COLEC12: variants seen among roughly 807,000 people sequenced by gnomAD.
The protein encoded by COLEC12 is collectin subfamily member 12, also known as collectin-12.
In COLEC12, 33 loss-of-function variants were observed where a neutral mutation model predicts 71.1. The ratio of observed to expected loss-of-function variants is 0.46; its 90% CI spans 0.35 to 0.62. The LOEUF is 0.62. Among genes scored for constraint, COLEC12 ranks in the 20% least tolerant of loss-of-function variants. COLEC12 has a pLI of 0.00. For synonymous variants in COLEC12, 350 were observed against 353.0 expected, an observed-to-expected ratio of 0.99 and a Z score of 0.10; for missense variants, 765 against 916.1, an observed-to-expected ratio of 0.84 and a Z score of 2.13.
intron 2 of COLEC12, among the ~76,000 whole-genome samples, chr18:446,773 G>T (rs8084339): frequency 0.14 from 21,021 of 151,946 alleles, 1,664 homozygotes; most frequent in Middle Eastern, 0.2. Flanking sequence ...ATTTATAACT[G>T]AGCACCCCTA....
At chr18:338,075 A>G (rs1914158767) in intron 5 of COLEC12, among the ~76,000 whole-genome samples, 1 of 152,146 alleles carries the variant, frequency 6.6e-6, no homozygotes, top group Admixed American at 6.6e-5. Context: ...TCTGGCATGA[A>G]GGCTCCTCCC....
chr18:482,860 G>A (rs888963381), intron 1 of COLEC12, among the ~76,000 whole-genome samples: 4 of 150,772 alleles, frequency 2.7e-5, no homozygotes, highest in South Asian at 2.1e-4. Flanking sequence ...TGATCCGCCC[G>A]CCTCGGCCTC....
rs575732029 is a variant in COLEC12, at chr18:318,902, T to G, written c.*1143A>C. On this transcript the variant is annotated 3_prime_UTR_variant, in exon 10 of 10. Transcript: ENST00000400256. ...TGGAATATGACTTAAGAAAACAAAC[T>G]TTCCAGGTAACACGTAGCCGGTTCC... 1 of 152,326 alleles carries G rather than the reference T, an allele frequency of 6.6e-6. No homozygotes were observed. Among genetic ancestry groups the G allele is most frequent in the Admixed American group, 6.5e-5 (1 of 15,306 alleles). The allele number at this position is 152,326 out of a possible 1,614,324, so 9.4% of individuals were successfully genotyped here.
intron 8 of COLEC12, among the ~76,000 whole-genome samples, chr18:330,775 G>A (rs914021915): frequency 2.0e-5 from 3 of 151,962 alleles, no homozygotes; most frequent in Non-Finnish European, 4.4e-5. Flanking sequence ...GGAACTTATG[G>A]GGAATCTTCA....
intron 2 of COLEC12, among the ~76,000 whole-genome samples, chr18:386,102 T>G (rs1241731490): frequency 6.6e-6 from 1 of 152,006 alleles, no homozygotes; most frequent in Non-Finnish European, 1.5e-5. Context: ...CTTTTGTGGG[T>G]GGGGGAGAAG....
intron 8 of COLEC12, among the ~76,000 whole-genome samples, chr18:324,650 G>A (rs376656638): frequency 2.6e-5 from 4 of 152,026 alleles, no homozygotes; most frequent in Non-Finnish European, 5.9e-5. Context: ...CCAACATGGC[G>A]AAACCCCATC....
intron 2 of COLEC12, among the ~76,000 whole-genome samples, chr18:377,881 TG>T (rs1915147295): frequency 7.1e-6 from 1 of 141,318 alleles, no homozygotes; most frequent in African/African-American, 2.6e-5. Flanking sequence ...GGAGTGGGGC[TG>T]GGGGAAATAG....
At chr18:419,013 T>C (rs1488391930) in intron 2 of COLEC12, among the ~76,000 whole-genome samples, 1 of 152,190 alleles carries the variant, frequency 6.6e-6, no homozygotes, top group East Asian at 1.9e-4. Flanking sequence ...TAGTCAGTCA[T>C]GTGATCTGGG....
At chr18:457,587 C>T (rs1043545702) in intron 2 of COLEC12, among the ~76,000 whole-genome samples, 4 of 152,164 alleles carry the variant, frequency 2.6e-5, no homozygotes, top group Non-Finnish European at 4.4e-5. Flanking sequence ...AATCTGTAAA[C>T]GATCTTTTGG....
chr18:377,785 G>A (rs191629928), intron 2 of COLEC12, among the ~76,000 whole-genome samples: 10 of 152,188 alleles, frequency 6.6e-5, no homozygotes, highest in Admixed American at 3.3e-4. Context: ...GCTGATGAGC[G>A]GCCCAAGAAA....
At chr18:479,662 C>T (rs745386274) in intron 2 of COLEC12, among the ~76,000 whole-genome samples, 1 of 152,164 alleles carries the variant, frequency 6.6e-6, no homozygotes, top group Non-Finnish European at 1.5e-5. Context: ...GAAAATCCTC[C>T]AATCCCTGGA....
intron 2 of COLEC12, among the ~76,000 whole-genome samples, chr18:363,527 G>T (rs1056275888): frequency 1.3e-5 from 2 of 152,070 alleles, no homozygotes; most frequent in Admixed American, 1.3e-4. Flanking sequence ...TTTTCATGTG[G>T]TTTTTTTACA....
At chr18:430,941 G>C (rs1450983892) in intron 2 of COLEC12, among the ~76,000 whole-genome samples, 4 of 152,108 alleles carry the variant, frequency 2.6e-5, no homozygotes, top group Admixed American at 6.6e-5. Context: ...TTGCATTTAA[G>C]TGAGTGGCAA....
intron 3 of COLEC12, 126 bp from the exon 4 acceptor site, chr18:348,289 A>G: frequency 1.7e-6 from 1 of 577,276 alleles, no homozygotes; most frequent in South Asian, 2.6e-5. Context: ...TGTAACTGAA[A>G]TCAAATATAG....
Position 346,580 on chromosome 18 carries a change from T to C in COLEC12, c.1042A>G (p.Ser348Gly), listed in dbSNP as rs1283975329. Residue 348 changes from serine (S) to glycine (G), a missense_variant, in exon 5 of 10, where the codon AGC becomes GGC. Ser to Gly is a moderately conservative substitution (Grantham distance 56). Transcript: ENST00000400256. The surrounding 1 kb of genome is among the most constrained non-coding windows in gnomAD (Gnocchi z 4.0). ...LFETDIVNIISNISYTAHHLR... is the reference protein window; with the variant it reads ...LFETDIVNIIGNISYTAHHLR... ...TGGTGGGCTGTGTAACTGATATTGC[T>C]AATGATGTTCACAATATCCGTCTCA... 6.2e-7 allele frequency: 1 copy of C among 1,614,246 alleles called. No homozygotes were observed. Among genetic ancestry groups the C allele is most frequent in the East Asian group, 2.2e-5 (1 of 44,890 alleles).
chr18:391,303 T>G (rs757919463), intron 2 of COLEC12, among the ~76,000 whole-genome samples: 2 of 152,202 alleles, frequency 1.3e-5, no homozygotes, highest in African/African-American at 4.8e-5. Context: ...TGAGTGGTAC[T>G]GTGTGTGCGC....
rs1209817349 is a variant in COLEC12 at position 318,572 on chromosome 18, A to T, written c.*1473T>A. 2 of 141,638 alleles carry T rather than the reference A, an allele frequency of 1.4e-5. No homozygotes were observed. The highest frequency in any genetic ancestry group is 4.2e-4 in the East Asian group (2 of 4,776). 8.8% of individuals were successfully genotyped at this position (141,638 alleles called of 1,614,324 possible). A position where few individuals can be genotyped will look rare whatever the true frequency, so the allele number is the denominator to read the frequency against. ...CAGTGGTGCGATCTTGGCTCACTGC[A>T]ATCTCTGCCTCCTGGGCTCAAGCGA... On this transcript the variant is annotated 3_prime_UTR_variant, in exon 10 of 10. Transcript: ENST00000400256.
At chr18:438,317 G>T (rs1916446518) in intron 2 of COLEC12, among the ~76,000 whole-genome samples, 1 of 152,028 alleles carries the variant, frequency 6.6e-6, no homozygotes, top group Admixed American at 6.6e-5. Context: ...ATATAAAGTA[G>T]AACCATATCA....
At chr18:455,130 A>G (rs1478249823) in intron 2 of COLEC12, among the ~76,000 whole-genome samples, 2 of 152,332 alleles carry the variant, frequency 1.3e-5, no homozygotes, top group East Asian at 3.9e-4. Flanking sequence ...ACAAGGCTAA[A>G]GATCACTGCT....
Sources: gnomAD v4.1 joint callset for allele counts (sites outside exome capture counted in the v4.1 genomes callset) on GRCh38, gnomAD v4.1.1 for gene constraint, Gnocchi (gnomAD v3.1) non-coding constraint, MANE v1.5 for transcripts, NCBI Gene and HGNC (gene_info 2026-07-23, HGNC 2026-07-21) for gene names.